Variants in RNGTT observed in about 807,000 individuals in gnomAD.
RNGTT encodes the protein mRNA-capping enzyme.
A neutral mutation model predicts 79.3 loss-of-function variants in RNGTT; 33 were observed. The observed-to-expected ratio is 0.42, with a 90% CI of 0.32 to 0.56. RNGTT has a LOEUF of 0.56. Among genes scored for constraint, RNGTT ranks in the 20% least tolerant of loss-of-function variants. The pLI, the probability that RNGTT is intolerant of heterozygous loss-of-function variation, is 0.17. For synonymous variants in RNGTT, 222 were observed against 235.9 expected, an observed-to-expected ratio of 0.94 and a Z score of 0.54; for missense variants, 497 against 739.1, an observed-to-expected ratio of 0.67 and a Z score of 3.80.
At chr6:88,831,758 G>A (rs368462596) in intron 11 of RNGTT, among the ~76,000 whole-genome samples, 4 of 152,002 alleles carry the variant, frequency 2.6e-5, no homozygotes, top group East Asian at 3.9e-4. Context: ...ATACAAAATC[G>A]ATGCACAAAA....
intron 13 of RNGTT, among the ~76,000 whole-genome samples, chr6:88,751,182 A>G (rs2127830396): frequency 6.6e-6 from 1 of 152,304 alleles, no homozygotes; most frequent in Admixed American, 6.5e-5. Flanking sequence ...ATTCTGAAAA[A>G]GATGAATAAA....
chr6:88,688,712 A>C (rs1562195681), intron 13 of RNGTT, among the ~76,000 whole-genome samples: 1 of 152,216 alleles, frequency 6.6e-6, no homozygotes, highest in East Asian at 1.9e-4. Context: ...ATAACCCATA[A>C]AATAAAATAC....
chr6:88,683,817 C>T (rs1042102329), intron 13 of RNGTT, among the ~76,000 whole-genome samples: 6 of 152,092 alleles, frequency 3.9e-5, no homozygotes, highest in African/African-American at 1.4e-4. Flanking sequence ...GAGTTCCAGA[C>T]CAGCCTGGGC....
At chr6:88,784,525 A>G (rs2127851067) in intron 12 of RNGTT, among the ~76,000 whole-genome samples, 1 of 152,258 alleles carries the variant, frequency 6.6e-6, no homozygotes, top group African/African-American at 2.4e-5. Context: ...AGGCAGAAGA[A>G]ATAGCATGTA....
intron 11 of RNGTT, among the ~76,000 whole-genome samples, chr6:88,838,031 T>G (rs1781139622): frequency 6.6e-6 from 1 of 152,106 alleles, no homozygotes; most frequent in South Asian, 2.1e-4. Context: ...AATTGCAAAA[T>G]TATTGCAAGC....
Position 88,891,956 on chromosome 6 carries a change from T to G in RNGTT, c.685-41A>C, listed in dbSNP as rs1487441394. 5 of 1,312,398 alleles carry G rather than the reference T, an allele frequency of 3.8e-6. No individual in the cohort carries two copies. The South Asian group carries it at 4.3e-5, about 11-fold the overall frequency. 81.3% of individuals were successfully genotyped at this position (1,312,398 alleles called of 1,614,324 possible). On this transcript the variant is annotated intron_variant, in intron 6 of 15. Transcript: ENST00000369485. ...AAGAAAAATAAGGGAAAGAAAAATA[T>G]TTTATTAGAGTTCAAATTCATTTAC...
intron 11 of RNGTT, among the ~76,000 whole-genome samples, chr6:88,813,296 A>G (rs1268088950): frequency 6.6e-6 from 1 of 152,092 alleles, no homozygotes; most frequent in South Asian, 2.1e-4. Context: ...CATGAGATCC[A>G]TGAGGTAGTA....
intron 13 of RNGTT, among the ~76,000 whole-genome samples, chr6:88,747,334 C>T (rs1777693432): frequency 6.6e-6 from 1 of 152,180 alleles, no homozygotes; most frequent in East Asian, 1.9e-4. Flanking sequence ...CCACTCATCC[C>T]ACATTCTTCC....
intron 12 of RNGTT, among the ~76,000 whole-genome samples, chr6:88,776,613 G>A (rs1170814376): frequency 6.6e-6 from 1 of 150,608 alleles, no homozygotes; most frequent in Non-Finnish European, 1.5e-5. Context: ...GAGATTACAG[G>A]CATGAGCCAC....
At chr6:88,766,290 A>T (rs1328842037) in intron 13 of RNGTT, among the ~76,000 whole-genome samples, 3 of 152,160 alleles carry the variant, frequency 2.0e-5, no homozygotes, top group Non-Finnish European at 4.4e-5. Context: ...TAATAAGTTT[A>T]TACCAATCAC....
At chr6:88,793,028 A>G (rs533147187) in intron 12 of RNGTT, among the ~76,000 whole-genome samples, 8 of 152,332 alleles carry the variant, frequency 5.3e-5, no homozygotes, top group African/African-American at 1.7e-4. Context: ...ATGGGTAGAC[A>G]TGTGATTATG....
At chr6:88,912,734 A>G (rs1783866430) in intron 4 of RNGTT, among the ~76,000 whole-genome samples, 1 of 152,164 alleles carries the variant, frequency 6.6e-6, no homozygotes, top group Non-Finnish European at 1.5e-5. Context: ...CAGAAATACA[A>G]AAGATCCTCA....
intron 13 of RNGTT, among the ~76,000 whole-genome samples, chr6:88,763,087 CTTTTTT>C (rs59200191): frequency 3.1e-5 from 3 of 95,524 alleles, no homozygotes; most frequent in South Asian, 3.6e-4. Context: ...TCATGGCCAG[CTTTTTT>C]TTTTTTTTTT....
chr6:88,873,933 A>G (rs1490148929), intron 8 of RNGTT, among the ~76,000 whole-genome samples: 1 of 152,170 alleles, frequency 6.6e-6, no homozygotes, highest in African/African-American at 2.4e-5. Context: ...AGCTTGCAAA[A>G]TAACAGGACA....
intron 12 of RNGTT, among the ~76,000 whole-genome samples, chr6:88,781,382 C>T (rs1779059439): frequency 6.6e-6 from 1 of 152,174 alleles, no homozygotes; most frequent in Admixed American, 6.5e-5. Context: ...ATAATGCCTT[C>T]TTCACAAAGA....
At chr6:88,716,685 G>A (rs982647277) in intron 13 of RNGTT, among the ~76,000 whole-genome samples, 1 of 152,134 alleles carries the variant, frequency 6.6e-6, no homozygotes, top group Non-Finnish European at 1.5e-5. Context: ...GATGAAGCTG[G>A]AAACCATCAT....
At chr6:88,886,699 C>T (rs536748418) in intron 8 of RNGTT, among the ~76,000 whole-genome samples, 96 of 152,208 alleles carry the variant, frequency 6.3e-4, no homozygotes, top group Admixed American at 9.8e-4. Context: ...TTGAAATACA[C>T]GAAACACAAT....
intron 13 of RNGTT, among the ~76,000 whole-genome samples, chr6:88,691,030 T>C (rs1775458450): frequency 6.6e-6 from 1 of 152,176 alleles, no homozygotes; most frequent in Admixed American, 6.6e-5. Context: ...CAAAAGAAGC[T>C]ACATGTCAAA....
intron 13 of RNGTT, among the ~76,000 whole-genome samples, chr6:88,689,293 T>C (rs1312546726): frequency 1.3e-5 from 2 of 150,554 alleles, no homozygotes; most frequent in Non-Finnish European, 3.0e-5. Context: ...AATAAACAAG[T>C]ACATTTTTTA....
Sources: gnomAD v4.1 joint callset for allele counts (sites outside exome capture counted in the v4.1 genomes callset) on GRCh38, gnomAD v4.1.1 for gene constraint, MANE v1.5 for transcripts, NCBI Gene and HGNC (gene_info 2026-07-23, HGNC 2026-07-21) for gene names.